The following PTPRZ1 variants were observed in gnomAD, a reference collection of about 807,000 sequenced individuals.
The protein encoded by PTPRZ1 is receptor-type tyrosine-protein phosphatase zeta.
A neutral mutation model predicts 214.1 loss-of-function variants in PTPRZ1; 82 were observed. That is an observed-to-expected ratio of 0.38 (90% CI 0.32 to 0.46). The LOEUF is 0.46. PTPRZ1 is among the 20% of genes least tolerant of loss of function. The probability of loss-of-function intolerance (pLI) is 1.00; values close to 1 mark genes in which losing one functional copy is unlikely to be tolerated. For missense variants in PTPRZ1, 2,603 were observed against 2,748.7 expected (o/e 0.95, Z 1.19); for synonymous variants, 945 against 987.9 (o/e 0.96, Z 0.81).
chr7:121,962,421 C>G (rs1796907786), intron 2 of PTPRZ1, among the ~76,000 whole-genome samples: 1 of 150,330 alleles, frequency 6.7e-6, no homozygotes, highest in Non-Finnish European at 1.5e-5. Context: ...GCACTCCAGC[C>G]TGGGCAATAG....
At chr7:121,876,391 G>A (rs1794062924) in intron 1 of PTPRZ1, among the ~76,000 whole-genome samples, 1 of 152,062 alleles carries the variant, frequency 6.6e-6, no homozygotes, top group East Asian at 1.9e-4. Context: ...GTGCTGCAAG[G>A]TACACTAAGT....
At chr7:121,883,240 G>A (rs1381319189) in intron 1 of PTPRZ1, among the ~76,000 whole-genome samples, 1 of 152,154 alleles carries the variant, frequency 6.6e-6, no homozygotes. Context: ...TGCTAAAAAT[G>A]ATTATTTTTT....
chr7:122,040,655 C>T (rs1799696453), intron 20 of PTPRZ1, among the ~76,000 whole-genome samples, 161 bp from the exon 21 acceptor site: 2 of 151,942 alleles, frequency 1.3e-5, no homozygotes, highest in African/African-American at 4.8e-5. Context: ...ACAAATGACA[C>T]TCTACTTTCT....
intron 11 of PTPRZ1, among the ~76,000 whole-genome samples, chr7:122,005,475 T>C (rs77482471): frequency 0.012 from 1,755 of 152,016 alleles, 36 homozygotes; most frequent in Middle Eastern, 0.014. Flanking sequence ...AGGTCTTTCA[T>C]AGGTATAAAC....
At chr7:122,042,972 C>T (rs1356144628) in intron 22 of PTPRZ1, among the ~76,000 whole-genome samples, 1 of 152,166 alleles carries the variant, frequency 6.6e-6, no homozygotes, top group African/African-American at 2.4e-5. Flanking sequence ...CCATGCATTG[C>T]GTGGCTTGTG....
At chr7:121,877,749 C>G (rs1189536730) in intron 1 of PTPRZ1, among the ~76,000 whole-genome samples, 1 of 152,152 alleles carries the variant, frequency 6.6e-6, no homozygotes, top group East Asian at 1.9e-4. Context: ...TTTAAAGATA[C>G]TTTTTCTGTT....
At chr7:122,019,420 C>A in intron 13 of PTPRZ1, 152 bp downstream of exon 13, 1 of 760,678 alleles carries the variant, frequency 1.3e-6, no homozygotes. Context: ...TCCAAAGGCA[C>A]AATAATGAAG....
intron 1 of PTPRZ1, among the ~76,000 whole-genome samples, chr7:121,877,599 A>G (rs1347447871): frequency 6.6e-6 from 1 of 152,170 alleles, no homozygotes. Flanking sequence ...GATGTTCACT[A>G]AGTGCCCGAC....
Position 122,012,245 on chromosome 7 carries a change from G to C in PTPRZ1, c.3199G>C (p.Glu1067Gln). 3 of 1,614,088 alleles carry C rather than the reference G, an allele frequency of 1.9e-6. No individual in the cohort carries two copies. The highest frequency in any genetic ancestry group is 2.5e-6 in the Non-Finnish European group (3 of 1,179,964). The change falls in exon 12 of 30, where the codon GAA becomes CAA. Residue 1067 changes from glutamate (E) to glutamine (Q), a missense_variant. This residue lies in a region of PTPRZ1 where 1,913 missense variants were observed against 1,914.3 expected (regional missense o/e 1.00). Transcript: ENST00000393386. ...PSFNEMVYPSESTVMPNMYDN... is the reference protein window; with the variant it reads ...PSFNEMVYPSQSTVMPNMYDN... ...TTTCAATGAGATGGTTTACCCTTCT[G>C]AAAGCACAGTCATGCCCAACATGTA...
chr7:122,044,714 T>C, intron 23 of PTPRZ1, 146 bp downstream of exon 23: 1 of 798,892 alleles, frequency 1.3e-6, no homozygotes, highest in Non-Finnish European at 1.9e-6. Context: ...TACTGTGGGC[T>C]ACAGTGCCAC....
chr7:122,035,320 A>G (rs1041759251), intron 17 of PTPRZ1, among the ~76,000 whole-genome samples: 12 of 152,120 alleles, frequency 7.9e-5, no homozygotes, highest in Admixed American at 7.9e-4. Flanking sequence ...TTTATTTTTT[A>G]GTAGAGGGCT....
intron 2 of PTPRZ1, among the ~76,000 whole-genome samples, chr7:121,951,268 G>A (rs1796533476): frequency 6.6e-6 from 1 of 152,200 alleles, no homozygotes; most frequent in Non-Finnish European, 1.5e-5. Flanking sequence ...TCTTGGAGCT[G>A]AGAGAGATAC....
chr7:121,919,262 G>C (rs1795520514), intron 1 of PTPRZ1, among the ~76,000 whole-genome samples: 1 of 151,940 alleles, frequency 6.6e-6, no homozygotes, highest in Admixed American at 6.6e-5. Context: ...CATTATTTTA[G>C]TTTCTGTTTC....
chr7:121,881,819 A>C (rs1794248009), intron 1 of PTPRZ1, among the ~76,000 whole-genome samples: 1 of 152,166 alleles, frequency 6.6e-6, no homozygotes, highest in Admixed American at 6.5e-5. Flanking sequence ...AGCTTCCGAG[A>C]TGGGGACTCC....
chr7:122,026,756 C>T (rs1433728633), intron 13 of PTPRZ1, among the ~76,000 whole-genome samples: 1 of 152,162 alleles, frequency 6.6e-6, no homozygotes, highest in Non-Finnish European at 1.5e-5. Context: ...CTTATACTAC[C>T]ACAGTAGATG....
chr7:121,907,201 ATAT>A (rs1795142560), intron 1 of PTPRZ1, among the ~76,000 whole-genome samples: 1 of 152,234 alleles, frequency 6.6e-6, no homozygotes, highest in Admixed American at 6.5e-5. Flanking sequence ...AACTGGAGTA[ATAT>A]TATGCTGCTT....
intron 12 of PTPRZ1, among the ~76,000 whole-genome samples, chr7:122,016,896 A>G (rs756011271): frequency 7.9e-5 from 12 of 152,100 alleles, no homozygotes; most frequent in Non-Finnish European, 1.3e-4. Context: ...CATAGATCAA[A>G]ATCAACTGGA....
chr7:121,924,822 C>A (rs1305504159), intron 1 of PTPRZ1, among the ~76,000 whole-genome samples: 1 of 152,192 alleles, frequency 6.6e-6, no homozygotes, highest in Non-Finnish European at 1.5e-5. Context: ...AAGGAATCTT[C>A]TTCCTATGGC....
At position 122,010,564 on chromosome 7, in the gene PTPRZ1, A is replaced by G. The variant is rs1798618680; in HGVS notation, c.1518A>G (p.Pro506=). 3 of 1,613,428 alleles carry G rather than the reference A, an allele frequency of 1.9e-6. No individual in the cohort carries two copies. The highest frequency in any genetic ancestry group is 2.5e-6 in the Non-Finnish European group (3 of 1,179,370). The change falls in exon 12 of 30, where the codon CCA becomes CCG. Residue 506 remains proline, a synonymous_variant. Coordinates refer to ENST00000393386, the MANE Select transcript of PTPRZ1 (RefSeq NM_002851.3). The part of the protein sequence containing the change: ...PNTSLNSTSQ[P]VTKLATEKDI... ...CATCTTTAAATTCCACTTCCCAACCAGTCACTAAATTAGCCACAGAAAAAG... is the reference window on the plus strand; with the variant it reads ...CATCTTTAAATTCCACTTCCCAACCGGTCACTAAATTAGCCACAGAAAAAG...
Sources: gnomAD v4.1 joint callset for allele counts (sites outside exome capture counted in the v4.1 genomes callset) on GRCh38, gnomAD v4.1.1 for gene constraint, gnomAD v4.1.1 regional missense constraint, MANE v1.5 for transcripts, NCBI Gene and HGNC (gene_info 2026-07-23, HGNC 2026-07-21) for gene names.